TECPR2: variants seen among roughly 807,000 people sequenced by gnomAD.
TECPR2 encodes the protein tectonin beta-propeller repeat containing 2, also known as tectonin beta-propeller repeat-containing protein 2.
Under a neutral mutation model 138.1 loss-of-function variants are expected in TECPR2, and 65 were observed. The observed-to-expected ratio is 0.47, with a 90% CI of 0.39 to 0.58. TECPR2 has a LOEUF of 0.58. TECPR2 is among the 20% of genes least tolerant of loss of function. The pLI is 0.00. For synonymous variants in TECPR2, 746 were observed against 749.8 expected, an observed-to-expected ratio of 0.99 and a Z score of 0.08; for missense variants, 1,553 against 1,824.5, an observed-to-expected ratio of 0.85 and a Z score of 2.71.
intron 9 of TECPR2, chr14:102,437,223 A>G (rs1889691830): frequency 1.5e-5 from 15 of 970,020 alleles, no homozygotes; most frequent in Non-Finnish European, 1.7e-5. Flanking sequence ...ATTAAAGTAC[A>G]AAGACTTTAT....
rs1185135892 is a variant in TECPR2, at chr14:102,419,665, G to A, written c.638+4872G>A. On this transcript the variant is annotated intron_variant, in intron 5 of 19. Coordinates refer to ENST00000359520, the MANE Select transcript of TECPR2 (RefSeq NM_014844.5). The surrounding 1 kb of genome is among the most constrained non-coding windows in gnomAD (Gnocchi z 4.8). Reference sequence around the variant, plus strand: ...GTAGAAGACGAGGGGTCCTCTTCCCGTCGAGTCCGTGAACCTCTTCAGACC... The same window carrying A: ...GTAGAAGACGAGGGGTCCTCTTCCCATCGAGTCCGTGAACCTCTTCAGACC... 7.2e-5 allele frequency among the ~76,000 whole-genome samples: 11 copies of A among 152,146 alleles called. No homozygotes were observed. The highest frequency in any genetic ancestry group is 5.2e-4 in the Admixed American group (8 of 15,284).
intron 6 of TECPR2, among the ~76,000 whole-genome samples, chr14:102,425,759 A>G (rs999327633): frequency 6.6e-6 from 1 of 150,766 alleles, no homozygotes; most frequent in Non-Finnish European, 1.5e-5. Context: ...TATTTTTAGT[A>G]GAGACAGGGT....
chr14:102,424,535 A>G (rs1889263164), intron 5 of TECPR2, among the ~76,000 whole-genome samples: 1 of 152,192 alleles, frequency 6.6e-6, no homozygotes, highest in Non-Finnish European at 1.5e-5. Flanking sequence ...TGGTTTCACC[A>G]TGTTGGCCAG....
intron 4 of TECPR2, among the ~76,000 whole-genome samples, chr14:102,413,193 G>A (rs112891638): frequency 1.3e-5 from 2 of 152,022 alleles, no homozygotes; most frequent in African/African-American, 4.8e-5. Context: ...TCATAGAATT[G>A]TATACCCAAA....
chr14:102,491,956 C>T (rs1891169523), intron 17 of TECPR2, among the ~76,000 whole-genome samples: 1 of 152,186 alleles, frequency 6.6e-6, no homozygotes, highest in South Asian at 2.1e-4. Context: ...TAGAGGTGTC[C>T]AGGAGACAGC....
intron 2 of TECPR2, among the ~76,000 whole-genome samples, chr14:102,402,659 A>G (rs1246969339): frequency 6.6e-6 from 1 of 152,128 alleles, no homozygotes. Context: ...AGATGGATCA[A>G]GAAGAAATGA....
intron 17 of TECPR2, among the ~76,000 whole-genome samples, chr14:102,483,791 CTTTTTTTTTT>C (rs71119708): frequency 1.2e-3 from 111 of 92,444 alleles, no homozygotes; most frequent in Non-Finnish European, 1.6e-4. Context: ...TTTTCCTTTT[CTTTTTTTTTT>C]TTTTTTTTTT....
intron 2 of TECPR2, among the ~76,000 whole-genome samples, chr14:102,403,161 C>G (rs1888542389): frequency 6.6e-6 from 1 of 152,116 alleles, no homozygotes; most frequent in African/African-American, 2.4e-5. Context: ...GTAAATTCAG[C>G]AGCATATTAA....
intron 4 of TECPR2, among the ~76,000 whole-genome samples, chr14:102,410,635 G>A (rs1888817688): frequency 6.6e-6 from 1 of 152,002 alleles, no homozygotes; most frequent in African/African-American, 2.4e-5. Flanking sequence ...GCTCCTGTAT[G>A]GATACTCCTT....
chr14:102,427,067 G>A (rs1310296510), intron 6 of TECPR2, among the ~76,000 whole-genome samples: 1 of 152,038 alleles, frequency 6.6e-6, no homozygotes, highest in Admixed American at 6.5e-5. Flanking sequence ...CTTATCGGCC[G>A]GAGCCTGGTT....
intron 17 of TECPR2, among the ~76,000 whole-genome samples, chr14:102,478,858 A>G (rs1012243319): frequency 2.0e-5 from 3 of 151,938 alleles, no homozygotes; most frequent in South Asian, 4.1e-4. Flanking sequence ...TCTACCAAAA[A>G]TACAAAAAAT....
rs1009237416 is a variant in TECPR2 at position 102,465,489 on chromosome 14, C to T, written c.3789+200C>T. The T allele has an allele frequency of 2.0e-5, 27 of 1,354,900 alleles. No individual in the cohort carries two copies. The African/African-American group carries it at 3.7e-4, about 18-fold the overall frequency. 83.9% of individuals were successfully genotyped at this position (1,354,900 alleles called of 1,614,324 possible). ...TTTGTGAAGTTTAGAGCTGAACAGACTGTTACAGATTATGAGTCAACACGT... is the reference window on the plus strand; with the variant it reads ...TTTGTGAAGTTTAGAGCTGAACAGATTGTTACAGATTATGAGTCAACACGT... On this transcript the variant is annotated intron_variant, in intron 17 of 19. Coordinates refer to ENST00000359520, the MANE Select transcript of TECPR2 (RefSeq NM_014844.5).
At chr14:102,435,348 A>G in intron 9 of TECPR2, 137 bp downstream of exon 9, 3 of 1,311,102 alleles carry the variant, frequency 2.3e-6, no homozygotes, top group Non-Finnish European at 3.1e-6. Context: ...CTCTGTTTTC[A>G]AGTCTGGGTT....
intron 5 of TECPR2, 139 bp downstream of exon 5, chr14:102,414,932 TG>T (rs761801598): frequency 7.9e-6 from 8 of 1,016,224 alleles, no homozygotes; most frequent in Non-Finnish European, 1.1e-5. Flanking sequence ...GGGTTCCTGG[TG>T]GGGCCCTGTG....
At chr14:102,478,346 G>A (rs1890813490) in intron 17 of TECPR2, among the ~76,000 whole-genome samples, 1 of 152,024 alleles carries the variant, frequency 6.6e-6, no homozygotes, top group South Asian at 2.1e-4. Context: ...ACCATGTCTG[G>A]CCTCTGTAGA....
At position 102,452,611 on chromosome 14, in the gene TECPR2, G is replaced by A. The variant is rs1370302059; in HGVS notation, c.3624G>A (p.Leu1208=). ...CCACGGGCATGCACTGGACCAGGCT[G>A]GACCTCTCCCAGCTAGGTACGGCCA... The part of the protein sequence containing the change: ...SCPTGMHWTR[L]DLSQLGAVKL... Residue 1208 remains leucine, a synonymous_variant, in exon 16 of 20, where the codon CTG becomes CTA. Transcript: ENST00000359520. The A allele has an allele frequency of 6.3e-7, 1 of 1,598,022 alleles. No homozygotes were observed. The highest frequency in any genetic ancestry group is 8.5e-7 in the Non-Finnish European group (1 of 1,173,148).
chr14:102,368,336 G>T (rs1887402107), intron 1 of TECPR2, among the ~76,000 whole-genome samples: 1 of 151,990 alleles, frequency 6.6e-6, no homozygotes, highest in Non-Finnish European at 1.5e-5. Flanking sequence ...GTCTTCTTTG[G>T]AGAAATGTTT....
chr14:102,454,320 C>T (rs1412094073), intron 16 of TECPR2, among the ~76,000 whole-genome samples: 1 of 152,180 alleles, frequency 6.6e-6, no homozygotes, highest in Non-Finnish European at 1.5e-5. Context: ...TGTGCTCAGC[C>T]CCGGGGGCTC....
chr14:102,406,489 T>G (rs1446938885), intron 2 of TECPR2, among the ~76,000 whole-genome samples: 1 of 151,928 alleles, frequency 6.6e-6, no homozygotes, highest in African/African-American at 2.4e-5. Context: ...GAGGTTGCAG[T>G]GAGCCAAGGT....
Sources: allele counts gnomAD v4.1 joint callset (sites outside exome capture counted in the v4.1 genomes callset), GRCh38; gene constraint gnomAD v4.1.1; non-coding constraint Gnocchi (gnomAD v3.1); transcripts MANE v1.5; gene names NCBI Gene and HGNC (gene_info 2026-07-23, HGNC 2026-07-21).